Variants in BCKDHB observed in about 807,000 individuals in gnomAD.
The protein encoded by BCKDHB is 2-oxoisovalerate dehydrogenase subunit beta, mitochondrial.
Under a neutral mutation model 48.5 loss-of-function variants are expected in BCKDHB, and 41 were observed. The ratio of observed to expected loss-of-function variants is 0.85; its 90% CI spans 0.66 to 1.10. The LOEUF is 1.10. Among genes scored for constraint, BCKDHB ranks in the 50% least tolerant of loss-of-function variants. The pLI, the probability that BCKDHB is intolerant of heterozygous loss-of-function variation, is 0.00. For synonymous variants in BCKDHB, 201 were observed against 174.8 expected, an observed-to-expected ratio of 1.15 and a Z score of -1.18; for missense variants, 496 against 494.2, an observed-to-expected ratio of 1.00 and a Z score of -0.03.
chr6:80,131,346 T>A (rs1261212090), intron 3 of BCKDHB, among the ~76,000 whole-genome samples: 1 of 151,788 alleles, frequency 6.6e-6, no homozygotes, highest in East Asian at 1.9e-4. Context: ...CCTATTTTGG[T>A]GAATATATCA....
At chr6:80,367,337 A>T in the BCKDHB span, among the ~76,000 whole-genome samples, 1 of 152,322 alleles carries the variant, frequency 6.6e-6, no homozygotes, top group East Asian at 1.9e-4. Context: ...CCAATTTTAA[A>T]TGCAAATTTA....
At chr6:80,274,822 A>G (rs1777903623) in intron 9 of BCKDHB, among the ~76,000 whole-genome samples, 1 of 152,024 alleles carries the variant, frequency 6.6e-6, no homozygotes, top group South Asian at 2.1e-4. Context: ...TAGAAAGATA[A>G]TCTAATCCAG....
the BCKDHB span, among the ~76,000 whole-genome samples, chr6:80,450,344 A>T: frequency 6.6e-6 from 1 of 152,184 alleles, no homozygotes; most frequent in South Asian, 2.1e-4. Context: ...TTTTTCTTAG[A>T]AAGAAACATT....
the BCKDHB span, among the ~76,000 whole-genome samples, chr6:80,351,704 ATG>A: frequency 7.4e-6 from 1 of 134,862 alleles, no homozygotes; most frequent in South Asian, 2.4e-4. Flanking sequence ...GTGCAGTGGT[ATG>A]ATCTCGGCTC....
the BCKDHB span, among the ~76,000 whole-genome samples, chr6:80,396,203 G>A: frequency 3.3e-5 from 5 of 152,182 alleles, no homozygotes; most frequent in African/African-American, 7.2e-5. Flanking sequence ...CTGACAGCTT[G>A]CACTTTGTGC....
At chr6:80,376,244 A>G in the BCKDHB span, among the ~76,000 whole-genome samples, 571 of 152,138 alleles carry the variant, frequency 3.8e-3, 6 homozygotes, top group African/African-American at 0.013. Flanking sequence ...TGGCAGGATC[A>G]TGGTTGCCTC....
At chr6:80,107,530 C>CATATATATGTGCGCAT (rs1656972444) in intron 1 of BCKDHB, among the ~76,000 whole-genome samples, 1 of 116,782 alleles carries the variant, frequency 8.6e-6, no homozygotes, top group South Asian at 2.7e-4. Flanking sequence ...TATATATATG[C>CATATATATGTGCGCAT]ATATATATAT....
chr6:80,401,203 C>A, the BCKDHB span, among the ~76,000 whole-genome samples: 42 of 151,628 alleles, frequency 2.8e-4, no homozygotes, highest in African/African-American at 9.4e-4. Flanking sequence ...AAATGTACAC[C>A]TGAAACTAAT....
chr6:80,427,532 CAT>C, the BCKDHB span, among the ~76,000 whole-genome samples: 10 of 152,126 alleles, frequency 6.6e-5, no homozygotes, highest in East Asian at 5.8e-4. Context: ...CATTTATCCA[CAT>C]GTTTACTATT....
intron 6 of BCKDHB, among the ~76,000 whole-genome samples, chr6:80,173,256 T>C (rs1162569761): frequency 6.6e-6 from 1 of 152,094 alleles, no homozygotes. Context: ...AGGTTCAGTA[T>C]TCAAAAGGTT....
At chr6:80,194,338 A>C (rs1332211421) in intron 6 of BCKDHB, among the ~76,000 whole-genome samples, 1 of 152,166 alleles carries the variant, frequency 6.6e-6, no homozygotes, top group Admixed American at 6.5e-5. Context: ...CCCCATGTTA[A>C]CCTCATACAT....
chr6:80,361,997 TG>T, the BCKDHB span, among the ~76,000 whole-genome samples: 1 of 152,034 alleles, frequency 6.6e-6, no homozygotes, highest in African/African-American at 2.4e-5. Flanking sequence ...ATTTATTTAT[TG>T]TATTATTATT....
chr6:80,270,473 G>A (rs1486771635), intron 8 of BCKDHB, among the ~76,000 whole-genome samples: 2 of 151,942 alleles, frequency 1.3e-5, no homozygotes, highest in Non-Finnish European at 1.5e-5. Context: ...CACTATTTTT[G>A]TTCCATTTGT....
intron 9 of BCKDHB, among the ~76,000 whole-genome samples, chr6:80,298,944 C>T (rs138478955): frequency 7.2e-4 from 109 of 152,222 alleles, no homozygotes; most frequent in East Asian, 2.9e-3. Context: ...CCTATGGTCC[C>T]GTATATGCCT....
At chr6:80,379,911 A>G in the BCKDHB span, among the ~76,000 whole-genome samples, 1 of 152,102 alleles carries the variant, frequency 6.6e-6, no homozygotes, top group African/African-American at 2.4e-5. Context: ...AGAAACTACA[A>G]AACACTGGTG....
the BCKDHB span, among the ~76,000 whole-genome samples, chr6:80,426,813 A>AT: frequency 6.6e-6 from 1 of 152,150 alleles, no homozygotes; most frequent in Non-Finnish European, 1.5e-5. Context: ...GAGAGAGTAT[A>AT]CTATAAATAT....
At chr6:80,328,608 C>T (rs1014305130) in intron 9 of BCKDHB, among the ~76,000 whole-genome samples, 2 of 152,130 alleles carry the variant, frequency 1.3e-5, no homozygotes, top group Non-Finnish European at 2.9e-5. Flanking sequence ...TCTCATAAAT[C>T]GGAATCTAAG....
chr6:80,437,739 A>T, the BCKDHB span, among the ~76,000 whole-genome samples: 1 of 152,232 alleles, frequency 6.6e-6, no homozygotes, highest in South Asian at 2.1e-4. Flanking sequence ...AGCATCTGAC[A>T]CTCTGAAAAA....
At chr6:80,327,165 T>C (rs757773658) in intron 9 of BCKDHB, among the ~76,000 whole-genome samples, 1 of 152,240 alleles carries the variant, frequency 6.6e-6, no homozygotes, top group African/African-American at 2.4e-5. Context: ...AGACTCATTA[T>C]TGAAAGTATC....
Sources: gnomAD v4.1 joint callset for allele counts (sites outside exome capture counted in the v4.1 genomes callset) on GRCh38, gnomAD v4.1.1 for gene constraint, MANE v1.5 for transcripts, NCBI Gene and HGNC (gene_info 2026-07-23, HGNC 2026-07-21) for gene names.